CDH9: variants seen among roughly 807,000 people sequenced by gnomAD.
The protein encoded by CDH9 is cadherin 9, also known as cadherin-9.
Under a neutral mutation model 70.9 loss-of-function variants are expected in CDH9, and 28 were observed. That is an observed-to-expected ratio of 0.40 (90% CI 0.29 to 0.54). The LOEUF (loss-of-function observed/expected upper bound fraction) is 0.54. Among genes scored for constraint, CDH9 ranks in the 20% least tolerant of loss-of-function variants. The pLI, the probability that CDH9 is intolerant of heterozygous loss-of-function variation, is 0.59. For missense variants in CDH9, 874 were observed against 984.4 expected (o/e 0.89, Z 1.50); for synonymous variants, 409 against 343.1 (o/e 1.19, Z -2.12).
intron 2 of CDH9, among the ~76,000 whole-genome samples, chr5:26,965,801 G>A (rs1742119718): frequency 6.6e-6 from 1 of 151,892 alleles, no homozygotes; most frequent in South Asian, 2.1e-4. Context: ...GCCCCAAGAT[G>A]TATATAGTAC....
intron 2 of CDH9, among the ~76,000 whole-genome samples, chr5:26,969,118 C>A (rs2112070878): frequency 6.6e-6 from 1 of 152,086 alleles, no homozygotes; most frequent in East Asian, 1.9e-4. Flanking sequence ...ATTTTTCATT[C>A]TTTTCAAACA....
chr5:27,005,050 C>T (rs1742836975), intron 1 of CDH9, among the ~76,000 whole-genome samples: 2 of 152,048 alleles, frequency 1.3e-5, no homozygotes, highest in South Asian at 2.1e-4. Context: ...GAAAAAGGCA[C>T]AGACATGGAC....
chr5:26,917,073 C>A (rs562422226), intron 2 of CDH9, among the ~76,000 whole-genome samples: 1 of 151,908 alleles, frequency 6.6e-6, no homozygotes, highest in African/African-American at 2.4e-5. Flanking sequence ...AATTGAAAAA[C>A]AACCTTAAAG....
At chr5:26,934,783 C>T (rs1324269631) in intron 2 of CDH9, among the ~76,000 whole-genome samples, 2 of 151,878 alleles carry the variant, frequency 1.3e-5, no homozygotes, top group African/African-American at 4.8e-5. Flanking sequence ...GTGAAAGCAC[C>T]AGCCCAGATG....
intron 2 of CDH9, among the ~76,000 whole-genome samples, chr5:26,986,146 T>C (rs558110039): frequency 6.6e-6 from 1 of 152,114 alleles, no homozygotes; most frequent in African/African-American, 2.4e-5. Flanking sequence ...TACATATTAT[T>C]TCCTACTGGA....
At chr5:26,948,481 C>T (rs1249983948) in intron 2 of CDH9, among the ~76,000 whole-genome samples, 1 of 152,210 alleles carries the variant, frequency 6.6e-6, no homozygotes, top group Non-Finnish European at 1.5e-5. Flanking sequence ...ATCACACAGC[C>T]TCTACTGCTA....
Position 26,988,041 on chromosome 5 carries a change from G to T in CDH9, c.228+65C>A, listed in dbSNP as rs573216394. The T allele has an allele frequency of 6.8e-5, 80 of 1,183,994 alleles. 2 individuals carry two copies. The South Asian group carries it at 1.0e-3, about 15-fold the overall frequency. The allele number at this position is 1,183,994 out of a possible 1,614,324, so 73.3% of individuals were successfully genotyped here. A position where few individuals can be genotyped will look rare whatever the true frequency, so the allele number is the denominator to read the frequency against. ...TTAATAATCACTAGTGAAAAGAAAA[G>T]TTGCTGGAAAAAAATAAATAGCTGT... On this transcript the variant is annotated intron_variant, in intron 2 of 11. Coordinates refer to ENST00000231021, the MANE Select transcript of CDH9 (RefSeq NM_016279.4).
intron 1 of CDH9, among the ~76,000 whole-genome samples, chr5:27,032,666 C>A (rs1005689570): frequency 3.3e-5 from 5 of 151,504 alleles, no homozygotes; most frequent in Admixed American, 6.6e-5. Context: ...TAAAATATTT[C>A]TCTGTTTTAT....
In CDH9 at chr5:26,915,858, T is replaced by C; in HGVS notation, c.295A>G (p.Ser99Gly). The change falls in exon 3 of 12, where the codon AGT (serine) becomes GGT (glycine). Residue 99 changes from serine to glycine, a missense_variant. By Grantham distance (56) the Ser-to-Gly change is moderately conservative. Transcript: ENST00000231021. ...KYILTGDGAGSLFVIDENTGD... is the reference protein window; with the variant it reads ...KYILTGDGAGGLFVIDENTGD... ...GTATTTTCATCTATAACAAATAGAC[T>C]GCCAGCCCCATCTCCTGTTAGTATG... The C allele has an allele frequency of 1.2e-6, 2 of 1,612,094 alleles. No individual in the cohort carries two copies. Among genetic ancestry groups the C allele is most frequent in the Non-Finnish European group, 1.7e-6 (2 of 1,178,190 alleles).
intron 1 of CDH9, among the ~76,000 whole-genome samples, chr5:27,025,487 C>G (rs1743205435): frequency 6.6e-6 from 1 of 151,726 alleles, no homozygotes. Flanking sequence ...TGGAGATCAT[C>G]AAAAGAATAA....
rs1465472197 is a variant in CDH9 at position 26,885,724 on chromosome 5, C to T, written c.1772G>A (p.Cys591Tyr). 6.2e-7 allele frequency: 1 copy of T among 1,613,550 alleles called. No individual in the cohort carries two copies. Among genetic ancestry groups the T allele is most frequent in the Non-Finnish European group, 8.5e-7 (1 of 1,179,848 alleles). The change falls in exon 11 of 12, where the codon TGC (cysteine) becomes TAC (tyrosine). Residue 591 changes from cysteine (C) to tyrosine (Y), a missense_variant. Coordinates refer to ENST00000231021, the MANE Select transcript of CDH9 (RefSeq NM_016279.4). ...TGTLTIRVCA[C>Y]DNQGNMQSCT... is the part of the protein sequence containing the mutation. Reference sequence around the variant, plus strand: ...GGATTGCATGTTTCCTTGATTATCGCAGGCACACACACGGATAGTGAGTGT... The same window carrying T: ...GGATTGCATGTTTCCTTGATTATCGTAGGCACACACACGGATAGTGAGTGT...
rs935598092 is a variant in CDH9, at chr5:26,916,052, CT to C, written c.229-129del. 3.1e-5 allele frequency: 19 copies of C among 608,382 alleles called. No homozygotes were observed. The African/African-American group carries it at 3.3e-4, about 11-fold the overall frequency. The allele number at this position is 608,382 out of a possible 1,614,324, so 37.7% of individuals were successfully genotyped here. A position where few individuals can be genotyped will look rare whatever the true frequency, so the allele number is the denominator to read the frequency against. The stretch of plus-strand genomic sequence containing the variant: ...ATAATTATCTTAATGGTTATCTTGA[CT>C]TTTGCTGTGAGAGGGAGTTAAATAT... On this transcript the variant is annotated intron_variant, in intron 2 of 11. Coordinates refer to ENST00000231021, the MANE Select transcript of CDH9 (RefSeq NM_016279.4).
At chr5:26,896,074 G>A (rs544835677) in intron 7 of CDH9, among the ~76,000 whole-genome samples, 115 of 152,040 alleles carry the variant, frequency 7.6e-4, no homozygotes, top group African/African-American at 2.4e-3. Flanking sequence ...GATTAATTTC[G>A]CTCAATATTT....
Position 27,004,412 on chromosome 5 carries a change from T to C in CDH9, c.-49-16030A>G, listed in dbSNP as rs1053911290. Among the ~76,000 whole-genome samples, 3 of 152,118 alleles carry C rather than the reference T, an allele frequency of 2.0e-5. No homozygotes were observed. In the East Asian group the frequency reaches 5.8e-4, roughly 29 times the overall value. On this transcript the variant is annotated intron_variant, in intron 1 of 11. Transcript: ENST00000231021. ...TTGCAACCCATAAATTTAATCTTCATGATATCTAAATCACATAAGGATTTG... is the reference window on the plus strand; with the variant it reads ...TTGCAACCCATAAATTTAATCTTCACGATATCTAAATCACATAAGGATTTG...
chr5:26,997,229 G>T (rs553141252), intron 1 of CDH9, among the ~76,000 whole-genome samples: 1 of 151,974 alleles, frequency 6.6e-6, no homozygotes, highest in Non-Finnish European at 1.5e-5. Context: ...AACAAGGATC[G>T]ATTGTTTTCT....
intron 3 of CDH9, among the ~76,000 whole-genome samples, chr5:26,912,054 G>A (rs1446389797): frequency 6.6e-6 from 1 of 151,876 alleles, no homozygotes; most frequent in Non-Finnish European, 1.5e-5. Flanking sequence ...AGAAGAGTAG[G>A]GCAATAATAG....
intron 11 of CDH9, among the ~76,000 whole-genome samples, chr5:26,883,465 G>GA (rs1173198804): frequency 6.6e-6 from 1 of 151,634 alleles, no homozygotes; most frequent in Non-Finnish European, 1.5e-5. Context: ...GATAAGAAAT[G>GA]AAAAAAAGTA....
At chr5:26,908,340 GT>G (rs34902473) in intron 3 of CDH9, among the ~76,000 whole-genome samples, 99 of 150,848 alleles carry the variant, frequency 6.6e-4, no homozygotes, top group African/African-American at 1.9e-3. Flanking sequence ...TTCAACAAGT[GT>G]TTTTTTTTAA....
At chr5:27,035,871 G>T (rs1219780085) in intron 1 of CDH9, among the ~76,000 whole-genome samples, 3 of 151,632 alleles carry the variant, frequency 2.0e-5, no homozygotes, top group African/African-American at 7.3e-5. Flanking sequence ...GCAAATTAAT[G>T]ATAAATTATA....
Sources: gnomAD v4.1 joint callset for allele counts (sites outside exome capture counted in the v4.1 genomes callset) on GRCh38, gnomAD v4.1.1 for gene constraint, MANE v1.5 for transcripts, NCBI Gene and HGNC (gene_info 2026-07-23, HGNC 2026-07-21) for gene names.